The following DNAH10 variants were observed in gnomAD, a reference collection of about 807,000 sequenced individuals.
The protein encoded by DNAH10 is dynein axonemal heavy chain 10.
A neutral mutation model predicts 506.6 loss-of-function variants in DNAH10; 348 were observed. The ratio of observed to expected loss-of-function variants is 0.69; its 90% CI spans 0.63 to 0.75. DNAH10 has a LOEUF of 0.75. Among genes scored for constraint, DNAH10 ranks in the 30% least tolerant of loss-of-function variants. The pLI is 0.00. For synonymous variants in DNAH10, 2,059 were observed against 2,198.6 expected (o/e 0.94, Z 1.78); for missense variants, 5,179 against 5,787.1 (o/e 0.89, Z 3.41).
chr12:123,890,621 C>T (rs1952939278), intron 52 of DNAH10, among the ~76,000 whole-genome samples: 1 of 152,058 alleles, frequency 6.6e-6, no homozygotes, highest in South Asian at 2.1e-4. Context: ...TCCAGTGCGC[C>T]GTGGGGACGA....
intron 36 of DNAH10, among the ~76,000 whole-genome samples, 198 bp from the exon 37 acceptor site, chr12:123,856,858 T>A (rs1228992358): frequency 1.3e-5 from 2 of 149,482 alleles, no homozygotes; most frequent in African/African-American, 4.9e-5. Context: ...AATTTAAATT[T>A]AAATTAATTT....
chr12:123,934,874 A>G, intron 78 of DNAH10, 108 bp downstream of exon 78: 1 of 1,414,134 alleles, frequency 7.1e-7, no homozygotes, highest in African/African-American at 1.4e-5. Flanking sequence ...AGGGGTGCCT[A>G]AGCTTTATGG....
At chr12:123,836,220 A>G (rs772490802) in intron 28 of DNAH10, among the ~76,000 whole-genome samples, 1 of 152,218 alleles carries the variant, frequency 6.6e-6, no homozygotes, top group Admixed American at 6.5e-5. Flanking sequence ...GTACAACTTT[A>G]TATCATAATT....
chr12:123,896,735 A>C (rs1013979544), intron 54 of DNAH10, among the ~76,000 whole-genome samples: 1 of 152,086 alleles, frequency 6.6e-6, no homozygotes, highest in South Asian at 2.1e-4. Flanking sequence ...AAAAAAAAAA[A>C]AAGAAGGATT....
At chr12:123,878,023 C>T in intron 48 of DNAH10, 115 bp downstream of exon 48, 1 of 1,316,272 alleles carries the variant, frequency 7.6e-7, no homozygotes, top group East Asian at 2.3e-5. Context: ...ATTAATTACC[C>T]AATGTCTTTG....
intron 6 of DNAH10, among the ~76,000 whole-genome samples, chr12:123,782,847 G>T (rs573620740): frequency 1.3e-5 from 2 of 152,118 alleles, no homozygotes; most frequent in Non-Finnish European, 2.9e-5. Flanking sequence ...AAAAATTGAA[G>T]TCACTAGGTT....
chr12:123,793,824 T>A (rs1394394809), intron 11 of DNAH10, 118 bp from the exon 12 acceptor site: 11 of 779,334 alleles, frequency 1.4e-5, no homozygotes, highest in Non-Finnish European at 1.7e-5. Flanking sequence ...CAGTTTCCAT[T>A]ACTTATGCCA....
chr12:123,899,694 A>T (rs1033936201), intron 56 of DNAH10, among the ~76,000 whole-genome samples: 2 of 152,174 alleles, frequency 1.3e-5, no homozygotes, highest in Non-Finnish European at 2.9e-5. Context: ...CAATATAAAG[A>T]CTGAAGATTA....
At chr12:123,880,717 C>T (rs568463049) in intron 50 of DNAH10, among the ~76,000 whole-genome samples, 37 of 151,408 alleles carry the variant, frequency 2.4e-4, no homozygotes, top group South Asian at 2.1e-4. Flanking sequence ...TTGTTACATA[C>T]GTATACATGT....
At chr12:123,839,781 GC>G (rs1376429743) in intron 29 of DNAH10, among the ~76,000 whole-genome samples, 1 of 150,710 alleles carries the variant, frequency 6.6e-6, no homozygotes, top group Non-Finnish European at 1.5e-5. Flanking sequence ...TCCTGCCTCA[GC>G]CTCCCGAGTA....
chr12:123,932,580 G>C (rs1386521108), intron 76 of DNAH10: 1 of 155,672 alleles, frequency 6.4e-6, no homozygotes, highest in Non-Finnish European at 1.4e-5. Context: ...CAGTGGAAGA[G>C]TTGGATCAAA....
Position 123,935,524 on chromosome 12 carries a change from G to A in DNAH10, c.*43G>A. 1 of 1,520,118 alleles carries A rather than the reference G, an allele frequency of 6.6e-7. No individual in the cohort carries two copies. Among genetic ancestry groups the A allele is most frequent in the Non-Finnish European group, 8.9e-7 (1 of 1,121,344 alleles). The allele number at this position is 1,520,118 out of a possible 1,614,324, so 94.2% of individuals were successfully genotyped here. On this transcript the variant is annotated 3_prime_UTR_variant, in exon 79 of 79. Coordinates refer to ENST00000673944, the MANE Select transcript of DNAH10 (RefSeq NM_001372106.1). Reference sequence around the variant, plus strand: ...CTGCTTAATGAATTCGGAGCCTGGGGTTGTCAGAGTGATCGGGTCTGCTGT... The same window carrying A: ...CTGCTTAATGAATTCGGAGCCTGGGATTGTCAGAGTGATCGGGTCTGCTGT...
chr12:123,850,933 A>G lies in DNAH10; in HGVS notation c.6148A>G (p.Ile2050Val), dbSNP rs778591576. 24 of 1,613,636 alleles carry G rather than the reference A, an allele frequency of 1.5e-5. No homozygotes were observed. Among genetic ancestry groups the G allele is most frequent in the Non-Finnish European group, 2.0e-5 (24 of 1,179,832 alleles). ...ISLDSRMGIF[I>V]TMNPGYAGRT... The stretch of plus-strand genomic sequence containing the variant: ...CCTGGACTCCCGCATGGGCATCTTC[A>G]TCACCATGAACCCCGGCTACGCAGG... The change falls in exon 35 of 79, where the codon ATC (isoleucine) becomes GTC (valine). Residue 2050 changes from isoleucine (I) to valine (V), a missense_variant. Transcript: ENST00000673944. The surrounding 1 kb of genome is among the most constrained non-coding windows in gnomAD (Gnocchi z 5.5).
In DNAH10 at chr12:123,893,393, G is replaced by A. The variant is rs759429186; in HGVS notation, c.9156G>A (p.Ser3052=). 12 of 1,613,416 alleles carry A rather than the reference G, an allele frequency of 7.4e-6. No individual in the cohort carries two copies. Among genetic ancestry groups the A allele is most frequent in the East Asian group, 2.2e-5 (1 of 44,886 alleles). Residue 3052 remains serine, a synonymous_variant, in exon 53 of 79, where the codon TCG becomes TCA. Coordinates refer to ENST00000673944, the MANE Select transcript of DNAH10 (RefSeq NM_001372106.1). ...ANNLHIVLGM[S]PVGDTLRTWC... ...ACCTGCACATTGTCCTGGGCATGTC[G>A]CCAGTGGGGGACACCCTGAGGACCT...
chr12:123,819,984 C>T (rs917363757), intron 23 of DNAH10, among the ~76,000 whole-genome samples: 50 of 152,206 alleles, frequency 3.3e-4, no homozygotes, highest in African/African-American at 1.1e-3. Context: ...GGATTACAGG[C>T]CTGAGCCACT....
intron 61 of DNAH10, 108 bp from the exon 62 acceptor site, chr12:123,914,744 G>A: frequency 1.4e-6 from 2 of 1,474,288 alleles, no homozygotes; most frequent in Non-Finnish European, 1.8e-6. Context: ...GGAGGCTTGT[G>A]TGGCCTGGGG....
chr12:123,819,441 T>C (rs1959202510), intron 23 of DNAH10, among the ~76,000 whole-genome samples, 191 bp downstream of exon 23: 1 of 150,970 alleles, frequency 6.6e-6, no homozygotes, highest in South Asian at 2.1e-4. Flanking sequence ...ATGCGACTCA[T>C]TGATTGTTGA....
At position 123,767,611 on chromosome 12, in the gene DNAH10, A is replaced by G; in HGVS notation, c.220A>G (p.Ile74Val). The stretch of plus-strand genomic sequence containing the variant: ...CCATTTATGTGGCCATAAAGATGAG[A>G]TACCTGTCCTGTCTGAAGAGGGAGA... ...PEEVEVEIDEIPVLSEEGEEE... is the reference protein window; with the variant it reads ...PEEVEVEIDEVPVLSEEGEEE... The change falls in exon 2 of 79, where the codon ATA becomes GTA. Residue 74 changes from isoleucine (I) to valine (V), a missense_variant. By Grantham distance (29) the Ile-to-Val change is conservative (BLOSUM62 3). This residue lies in a region of DNAH10 where 326 missense variants were observed against 330.8 expected (regional missense o/e 0.99). Coordinates refer to ENST00000673944, the MANE Select transcript of DNAH10 (RefSeq NM_001372106.1). The G allele has an allele frequency of 6.2e-7, 1 of 1,612,166 alleles. No individual in the cohort carries two copies. Among genetic ancestry groups the G allele is most frequent in the Non-Finnish European group, 8.5e-7 (1 of 1,179,006 alleles).
Position 123,916,448 on chromosome 12 carries a change from C to G in DNAH10, c.10723-9C>G, listed in dbSNP as rs760981053. 4 of 1,596,806 alleles carry G rather than the reference C, an allele frequency of 2.5e-6. No individual in the cohort carries two copies. The highest frequency in any genetic ancestry group is 3.4e-6 in the Non-Finnish European group (4 of 1,170,952). On this transcript the variant is annotated splice_polypyrimidine_tract_variant and intron_variant, in intron 62 of 78. Coordinates refer to ENST00000673944, the MANE Select transcript of DNAH10 (RefSeq NM_001372106.1). The surrounding 1 kb of genome is among the most constrained non-coding windows in gnomAD (Gnocchi z 4.6). ...TGGGCTTTCAGCATCTGCCTCCCTT[C>G]TCTTCCAGGTCGCTTCCTTTAATGA...
Sources: gnomAD v4.1 joint callset for allele counts (sites outside exome capture counted in the v4.1 genomes callset) on GRCh38, gnomAD v4.1.1 for gene constraint, gnomAD v4.1.1 regional missense constraint, Gnocchi (gnomAD v3.1) non-coding constraint, MANE v1.5 for transcripts, NCBI Gene and HGNC (gene_info 2026-07-23, HGNC 2026-07-21) for gene names.